Variants in NEBL observed in about 807,000 individuals in gnomAD.
NEBL encodes the protein nebulette.
NEBL carries 122 observed loss-of-function variants against 140.2 expected under a neutral mutation model. That is an observed-to-expected ratio of 0.87 (90% CI 0.75 to 1.01). The LOEUF is 1.01. NEBL is among the 50% of genes least tolerant of loss of function. The pLI is 0.00. For synonymous variants in NEBL, 436 were observed against 398.9 expected, an observed-to-expected ratio of 1.09 and a Z score of -1.11; for missense variants, 1,365 against 1,231.3, an observed-to-expected ratio of 1.11 and a Z score of -1.62.
At chr10:21,181,953 C>T (rs1841395265) in intron 3 of NEBL, among the ~76,000 whole-genome samples, 1 of 152,160 alleles carries the variant, frequency 6.6e-6, no homozygotes, top group East Asian at 1.9e-4. Context: ...CTAAGCAGTT[C>T]TGGAGGAAGT....
At chr10:21,091,686 C>T (rs888577965) in intron 2 of NEBL, among the ~76,000 whole-genome samples, 8 of 152,182 alleles carry the variant, frequency 5.3e-5, no homozygotes, top group African/African-American at 1.9e-4. Context: ...AGTACAGTGG[C>T]GCAATTATAG....
chr10:20,930,140 T>C (rs1026602867), intron 4 of NEBL, among the ~76,000 whole-genome samples: 1 of 152,152 alleles, frequency 6.6e-6, no homozygotes, highest in Admixed American at 6.5e-5. Context: ...CATTTAGATG[T>C]CCACATCCAA....
intron 3 of NEBL, among the ~76,000 whole-genome samples, chr10:21,219,976 C>T (rs1041058199): frequency 9.3e-5 from 14 of 151,344 alleles, no homozygotes; most frequent in East Asian, 5.8e-4. Context: ...TACCATGGGA[C>T]GATCTCGGCT....
At chr10:20,823,679 A>G (rs1048406888) in intron 18 of NEBL, among the ~76,000 whole-genome samples, 2 of 152,208 alleles carry the variant, frequency 1.3e-5, no homozygotes, top group African/African-American at 2.4e-5. Context: ...TTTAACAAGT[A>G]TTTAAAGGCA....
chr10:20,870,497 C>G (rs1844816530), intron 5 of NEBL, among the ~76,000 whole-genome samples: 1 of 152,112 alleles, frequency 6.6e-6, no homozygotes, highest in Non-Finnish European at 1.5e-5. Context: ...TCATCAAGAA[C>G]TTCAACTTGC....
At chr10:21,081,467 G>A (rs1836365766) in intron 2 of NEBL, among the ~76,000 whole-genome samples, 1 of 152,132 alleles carries the variant, frequency 6.6e-6, no homozygotes, top group African/African-American at 2.4e-5. Context: ...AAAACTGAAG[G>A]TGGAGATATT....
intron 3 of NEBL, among the ~76,000 whole-genome samples, chr10:21,000,841 A>C (rs913085769): frequency 6.6e-6 from 1 of 152,116 alleles, no homozygotes; most frequent in African/African-American, 2.4e-5. Flanking sequence ...CACTGGAGAG[A>C]AATCAAGTGC....
chr10:21,198,342 G>A (rs1841684504), intron 3 of NEBL, among the ~76,000 whole-genome samples: 1 of 152,134 alleles, frequency 6.6e-6, no homozygotes, highest in East Asian at 1.9e-4. Flanking sequence ...CAGGAAGTGT[G>A]GAACTGTCAT....
At position 20,817,688 on chromosome 10, in the gene NEBL, T is replaced by A; in HGVS notation, c.2060A>T (p.Lys687Ile). 1 of 1,610,580 alleles carries A rather than the reference T, an allele frequency of 6.2e-7. No homozygotes were observed. The highest frequency in any genetic ancestry group is 8.5e-7 in the Non-Finnish European group (1 of 1,176,864). Residue 687 changes from lysine to isoleucine, a missense_variant, in exon 21 of 28, where the codon AAA becomes ATA. By Grantham distance (102) the Lys-to-Ile change is moderately radical (BLOSUM62 -3). Transcript: ENST00000377122. The stretch of plus-strand genomic sequence containing the variant: ...TCCCCGTTGAAGTTCTCCCTTATAT[T>A]TTACCTAAGAAGGATAAATAAGAAC... ...RRNQEQLSAVKYKGELQRGTA... is the reference protein window; with the variant it reads ...RRNQEQLSAVIYKGELQRGTA...
At chr10:21,153,705 G>A (rs1280603144) in intron 2 of NEBL, among the ~76,000 whole-genome samples, 1 of 151,890 alleles carries the variant, frequency 6.6e-6, no homozygotes, top group Non-Finnish European at 1.5e-5. Flanking sequence ...CAGTACAGAC[G>A]GGGTTTCACC....
At chr10:20,913,606 G>A (rs929972937) in intron 4 of NEBL, among the ~76,000 whole-genome samples, 3 of 152,086 alleles carry the variant, frequency 2.0e-5, no homozygotes, top group Admixed American at 1.3e-4. Flanking sequence ...CCAAGTGTAC[G>A]AAATATCGTA....
At chr10:21,014,066 A>G (rs961481345) in intron 3 of NEBL, among the ~76,000 whole-genome samples, 1 of 152,004 alleles carries the variant, frequency 6.6e-6, no homozygotes, top group Non-Finnish European at 1.5e-5. Context: ...CATACTTAAA[A>G]TACACTCCAT....
chr10:20,811,896 C>T (rs1186509168), intron 24 of NEBL, among the ~76,000 whole-genome samples: 3 of 152,138 alleles, frequency 2.0e-5, no homozygotes, highest in Non-Finnish European at 4.4e-5. Flanking sequence ...AATCATCCTT[C>T]CTAGCCCTGC....
intron 3 of NEBL, among the ~76,000 whole-genome samples, chr10:21,220,046 G>T (rs1201417456): frequency 2.0e-5 from 3 of 152,000 alleles, no homozygotes; most frequent in Non-Finnish European, 4.4e-5. Flanking sequence ...CCAAGTAGCT[G>T]GGATTACAGG....
At chr10:21,285,098 A>G (rs1310279372) in intron 1 of NEBL, among the ~76,000 whole-genome samples, 1 of 152,194 alleles carries the variant, frequency 6.6e-6, no homozygotes, top group Non-Finnish European at 1.5e-5. Context: ...CTGAGTCACT[A>G]TGACATTGTT....
intron 2 of NEBL, among the ~76,000 whole-genome samples, chr10:21,043,302 A>G (rs1834351368): frequency 6.6e-6 from 1 of 152,210 alleles, no homozygotes; most frequent in African/African-American, 2.4e-5. Context: ...GTCATCCTAC[A>G]AAAAAACAGC....
chr10:20,880,938 G>C (rs1482647845), intron 4 of NEBL, 34 bp from the exon 5 acceptor site: 2 of 1,544,558 alleles, frequency 1.3e-6, no homozygotes. Context: ...GTCCCATTTA[G>C]AGGCATATAA....
intron 4 of NEBL, among the ~76,000 whole-genome samples, chr10:20,906,261 T>C (rs1024606323): frequency 6.6e-6 from 1 of 152,198 alleles, no homozygotes; most frequent in African/African-American, 2.4e-5. Context: ...ACAAGTGATG[T>C]CAATGTTCCT....
chr10:21,255,719 T>C (rs1040852708), intron 1 of NEBL, among the ~76,000 whole-genome samples: 4 of 152,044 alleles, frequency 2.6e-5, no homozygotes, highest in East Asian at 3.9e-4. Flanking sequence ...CATCTCCGGC[T>C]GGGCGCGGTG....
Sources: gnomAD v4.1 joint callset for allele counts (sites outside exome capture counted in the v4.1 genomes callset) on GRCh38, gnomAD v4.1.1 for gene constraint, MANE v1.5 for transcripts, NCBI Gene and HGNC (gene_info 2026-07-23, HGNC 2026-07-21) for gene names.